Variants in NIN observed in about 807,000 individuals in gnomAD.
NIN encodes the protein ninein.
In NIN, 137 loss-of-function variants were observed where a neutral mutation model predicts 257.6. That is an observed-to-expected ratio of 0.53 (90% confidence interval 0.46 to 0.61). The LOEUF (loss-of-function observed/expected upper bound fraction) is 0.61, where lower values mean the gene tolerates loss of function less well. NIN is among the 20% of genes least tolerant of loss of function. The pLI, the probability that NIN is intolerant of heterozygous loss-of-function variation, is 0.00. For synonymous variants in NIN, 918 were observed against 919.8 expected, an observed-to-expected ratio of 1.00 and a Z score of 0.04; for missense variants, 2,439 against 2,501.2, an observed-to-expected ratio of 0.98 and a Z score of 0.53.
chr14:50,782,183 A>T (rs944552257), intron 5 of NIN, among the ~76,000 whole-genome samples: 2 of 152,198 alleles, frequency 1.3e-5, no homozygotes, highest in Non-Finnish European at 2.9e-5. Flanking sequence ...TGTTATGGGT[A>T]GCACTGTAAA....
In NIN at chr14:50,721,148, G is replaced by A. The variant is rs1470580725; in HGVS notation, c.*2315C>T. ...TGCATACATTTAAGGTATCTGTATGGTATTTCTCATATTGATCTTTTTCCC... is the reference window on the plus strand; with the variant it reads ...TGCATACATTTAAGGTATCTGTATGATATTTCTCATATTGATCTTTTTCCC... On this transcript the variant is annotated 3_prime_UTR_variant, in exon 31 of 31. Coordinates refer to ENST00000530997, the MANE Select transcript of NIN (RefSeq NM_020921.4). 2 of 199,228 alleles carry A rather than the reference G, an allele frequency of 1.0e-5. No individual in the cohort carries two copies. Among genetic ancestry groups the A allele is most frequent in the East Asian group, 7.8e-5 (1 of 12,816 alleles). The allele number at this position is 199,228 out of a possible 1,614,324, so 12.3% of individuals were successfully genotyped here.
chr14:50,746,270 T>C (rs1039115774), intron 22 of NIN, among the ~76,000 whole-genome samples: 1 of 152,186 alleles, frequency 6.6e-6, no homozygotes. Flanking sequence ...AAGTTGGTAA[T>C]AACAGCCTTG....
chr14:50,758,349 C>T lies in NIN; in HGVS notation c.2681G>A (p.Arg894Lys), dbSNP rs778195237. ...TTTGTATGTTTTCTCCAGCATCTCT[C>T]TCTCCTGGGTCAGGACCAGAGAAGT... is the stretch of plus-strand genomic sequence containing the variant. ...KTTSLVLTQE[R>K]EMLEKTYKEH... Residue 894 changes from arginine (R) to lysine (K), a missense_variant, in exon 18 of 31, where the codon AGA becomes AAA. Around this residue, in one of 3 missense-constraint regions of NIN, gnomAD observed 2,043 missense variants for 2,050.2 expected, o/e 1.00. Transcript: ENST00000530997. The T allele has an allele frequency of 6.2e-7, 1 of 1,614,268 alleles. No homozygotes were observed. Among genetic ancestry groups the T allele is most frequent in the South Asian group, 1.1e-5 (1 of 91,092 alleles).
In NIN at chr14:50,754,583, C is replaced by T; in HGVS notation, c.4714G>A (p.Val1572Ile). 1.2e-6 allele frequency: 2 copies of T among 1,608,172 alleles called. No homozygotes were observed. Among genetic ancestry groups the T allele is most frequent in the South Asian group, 1.1e-5 (1 of 89,594 alleles). ...CTTACCTGTTTCTTTAAATTTTCAA[C>T]CATCTTCTGAACTGCAGCATTTTCT... ...KQENAAVQKM[V>I]ENLKKQISEL... The change falls in exon 20 of 31, where the codon GTT becomes ATT. Residue 1572 changes from valine (V) to isoleucine (I), a missense_variant. Val to Ile is a conservative substitution (Grantham distance 29). Coordinates refer to ENST00000530997, the MANE Select transcript of NIN (RefSeq NM_020921.4).
rs1382720313 is a variant in NIN at position 50,759,683 on chromosome 14, C to T, written c.2399+174G>A. Among the ~76,000 whole-genome samples, 6 of 152,094 alleles carry T rather than the reference C, an allele frequency of 3.9e-5. No individual in the cohort carries two copies. In the East Asian group the frequency reaches 9.7e-4, roughly 25 times the overall value. Reference sequence around the variant, plus strand: ...TAATTTTTTGTATTTTTAGTAGAGACGGGGTTTCACCATGTTAGCCAGGTC... The same window carrying T: ...TAATTTTTTGTATTTTTAGTAGAGATGGGGTTTCACCATGTTAGCCAGGTC... On this transcript the variant is annotated intron_variant, in intron 17 of 30. Transcript: ENST00000530997.
chr14:50,753,454 A>C lies in NIN; in HGVS notation c.4735-721T>G, dbSNP rs2041886312. 2.0e-5 allele frequency among the ~76,000 whole-genome samples: 3 copies of C among 152,318 alleles called. No homozygotes were observed. In the South Asian group the frequency reaches 6.2e-4, roughly 32 times the overall value. On this transcript the variant is annotated intron_variant, in intron 20 of 30. Coordinates refer to ENST00000530997, the MANE Select transcript of NIN (RefSeq NM_020921.4). ...GTGTGTTCAGCAACCACCACATACT[A>C]CTTTTTACTGGCTATAGGATATTCC...
At chr14:50,743,559 G>C (rs1450078974) in intron 23 of NIN, 30 bp from the exon 24 acceptor site, 1 of 1,420,678 alleles carries the variant, frequency 7.0e-7, no homozygotes, top group South Asian at 1.2e-5. Flanking sequence ...AGAGGTAAGA[G>C]GGCATTTTTG....
chr14:50,799,655 A>G (rs1305279873), intron 4 of NIN, among the ~76,000 whole-genome samples: 24 of 152,184 alleles, frequency 1.6e-4, no homozygotes, highest in Non-Finnish European at 2.8e-4. Context: ...CGTCATCCTC[A>G]TGTCCCGTTT....
intron 3 of NIN, among the ~76,000 whole-genome samples, chr14:50,815,181 A>C (rs963592650): frequency 3.3e-5 from 5 of 152,254 alleles, no homozygotes; most frequent in African/African-American, 1.2e-4. Context: ...CAACAAACTT[A>C]AACACATTTA....
chr14:50,771,214 G>A (rs796091900), intron 10 of NIN, 118 bp downstream of exon 10: 2 of 1,276,128 alleles, frequency 1.6e-6, no homozygotes, highest in African/African-American at 3.0e-5. Flanking sequence ...GCAGCAGTTG[G>A]ATAGAAGATG....
At chr14:50,767,385 G>A (rs34263204) in intron 12 of NIN, among the ~76,000 whole-genome samples, 23,785 of 152,148 alleles carry the variant, frequency 0.16, 2,268 homozygotes, top group South Asian at 0.22. Context: ...TGCAGGCCAC[G>A]TATGTGTATC....
rs144968170 is a variant in NIN at position 50,793,547 on chromosome 14, T to C, written c.266-666A>G. ...TGAAACCACAGTAAAAAAAATTGTA[T>C]TATTTTATCTCTTTGTAAGCATCGG... On this transcript the variant is annotated intron_variant, in intron 4 of 30. Coordinates refer to ENST00000530997, the MANE Select transcript of NIN (RefSeq NM_020921.4). Among the ~76,000 whole-genome samples, 643 of 152,336 alleles carry C rather than the reference T, an allele frequency of 4.2e-3. 2 individuals are homozygous for C. The highest frequency in any genetic ancestry group is 7.1e-3 in the Non-Finnish European group (482 of 68,044).
chr14:50,739,259 A>T, intron 26 of NIN, 49 bp downstream of exon 26: 3 of 1,568,664 alleles, frequency 1.9e-6, no homozygotes, highest in Non-Finnish European at 2.6e-6. Flanking sequence ...TTTCCTATCA[A>T]ACTAGTCATT....
chr14:50,771,334 C>G lies in NIN; in HGVS notation c.1116G>C (p.Leu372Phe). 6.2e-7 allele frequency: 1 copy of G among 1,613,838 alleles called. No individual in the cohort carries two copies. The highest frequency in any genetic ancestry group is 8.5e-7 in the Non-Finnish European group (1 of 1,179,966). Residue 372 changes from leucine to phenylalanine, a missense_variant and splice_region_variant, in exon 10 of 31, where the codon TTG becomes TTC. Around this residue, in one of 3 missense-constraint regions of NIN, gnomAD observed 2,043 missense variants for 2,050.2 expected, o/e 1.00. Coordinates refer to ENST00000530997, the MANE Select transcript of NIN (RefSeq NM_020921.4). The stretch of plus-strand genomic sequence containing the variant: ...GGCGAACCTTCTGCTCAACTCACAA[C>G]AAATGCCGGATTTCAGCCTTAAAGC... Reference protein sequence around the residue: ...LASFKAEIRHLLERVDQVVRE... With the variant: ...LASFKAEIRHFLERVDQVVRE...
chr14:50,753,275 C>T (rs1290332363), intron 20 of NIN, among the ~76,000 whole-genome samples: 1 of 152,176 alleles, frequency 6.6e-6, no homozygotes, highest in Non-Finnish European at 1.5e-5. Flanking sequence ...TGGCATGTGC[C>T]TGTAATCCCA....
chr14:50,734,365 T>G, intron 28 of NIN, among the ~76,000 whole-genome samples: 1 of 152,168 alleles, frequency 6.6e-6, no homozygotes, highest in East Asian at 1.9e-4. Context: ...GTGCTGGGAT[T>G]ACAGGGGTAA....
chr14:50,735,761 A>G, intron 27 of NIN, 144 bp from the exon 28 acceptor site: 1 of 1,089,436 alleles, frequency 9.2e-7, no homozygotes, highest in Non-Finnish European at 1.3e-6. Context: ...CAAATAATAC[A>G]ATTCAGTGTA....
Position 50,760,039 on chromosome 14 carries a change from C to A in NIN, c.2217G>T (p.Glu739Asp), listed in dbSNP as rs1400021877. The A allele has an allele frequency of 5.0e-6, 8 of 1,614,236 alleles. No individual in the cohort carries two copies. Among genetic ancestry groups the A allele is most frequent in the Non-Finnish European group, 5.9e-6 (7 of 1,180,054 alleles). The change falls in exon 17 of 31, where the codon GAG (glutamate) becomes GAT (aspartate). Residue 739 changes from glutamate to aspartate, a missense_variant. This residue lies in a region of NIN where 2,043 missense variants were observed against 2,050.2 expected (regional missense o/e 1.00). Coordinates refer to ENST00000530997, the MANE Select transcript of NIN (RefSeq NM_020921.4). ...TACTCTGAAGGCCTTCCCTCTCCCG[C>A]TCAAAGCTTGCTTGAGCCTGTGTCA... The part of the protein sequence containing the change: ...ARLTQAQASF[E>D]REREGLQSSA...
intron 2 of NIN, among the ~76,000 whole-genome samples, chr14:50,822,304 G>C (rs2045262428): frequency 6.6e-6 from 1 of 152,188 alleles, no homozygotes; most frequent in Non-Finnish European, 1.5e-5. Flanking sequence ...CATAAGCTCA[G>C]ATCACACTGG....
Sources: allele counts gnomAD v4.1 joint callset (sites outside exome capture counted in the v4.1 genomes callset), GRCh38; gene constraint gnomAD v4.1.1; regional missense constraint gnomAD v4.1.1; transcripts MANE v1.5; gene names NCBI Gene and HGNC (gene_info 2026-07-23, HGNC 2026-07-21).